The following TRHDE variants were observed in gnomAD, a reference collection of about 807,000 sequenced individuals.
TRHDE encodes the protein thyrotropin releasing hormone degrading enzyme.
TRHDE carries 72 observed loss-of-function variants against 125.7 expected under a neutral mutation model. The ratio of observed to expected loss-of-function variants is 0.57; its 90% CI spans 0.47 to 0.70. The LOEUF is 0.70. TRHDE is among the 30% of genes least tolerant of loss of function. The probability of loss-of-function intolerance (pLI) is 0.00; values close to 1 mark genes in which losing one functional copy is unlikely to be tolerated. For missense variants in TRHDE, 1,110 were observed against 1,327.1 expected, an observed-to-expected ratio of 0.84 and a Z score of 2.54; for synonymous variants, 509 against 509.1, an observed-to-expected ratio of 1.00 and a Z score of 0.00.
intron 2 of TRHDE, among the ~76,000 whole-genome samples, chr12:72,253,188 A>G (rs1417113274): frequency 6.6e-6 from 1 of 152,112 alleles, no homozygotes; most frequent in Non-Finnish European, 1.5e-5. Flanking sequence ...TAGAAATGAC[A>G]TTGGTTTTCA....
At chr12:72,215,821 G>C (rs903265643) in intron 2 of TRHDE, among the ~76,000 whole-genome samples, 7 of 152,156 alleles carry the variant, frequency 4.6e-5, no homozygotes, top group Non-Finnish European at 8.8e-5. Flanking sequence ...GAAATGGTTG[G>C]AGTCTGACAA....
At chr12:72,531,977 T>A (rs1437939533) in intron 6 of TRHDE, among the ~76,000 whole-genome samples, 1 of 152,136 alleles carries the variant, frequency 6.6e-6, no homozygotes, top group Admixed American at 6.6e-5. Context: ...ATCAAGACAA[T>A]TTCTGTGAAA....
At chr12:72,191,560 G>A (rs1592477138) in intron 2 of TRHDE, among the ~76,000 whole-genome samples, 1 of 152,054 alleles carries the variant, frequency 6.6e-6, no homozygotes, top group East Asian at 1.9e-4. Flanking sequence ...GTTTACATAC[G>A]AGTAAAGGTA....
chr12:72,203,987 C>G (rs1877615644), intron 2 of TRHDE, among the ~76,000 whole-genome samples: 1 of 152,190 alleles, frequency 6.6e-6, no homozygotes, highest in South Asian at 2.1e-4. Context: ...CATATTACTA[C>G]ATGGTAGTTT....
chr12:72,125,118 A>G (rs1020590851), intron 2 of TRHDE, among the ~76,000 whole-genome samples: 1 of 152,156 alleles, frequency 6.6e-6, no homozygotes, highest in South Asian at 2.1e-4. Flanking sequence ...AATAAAATTG[A>G]CTTGTAATTT....
rs576606525 is a variant in TRHDE, at chr12:72,629,260, C to T, written c.2675+7509C>T. Among the ~76,000 whole-genome samples the T allele has an allele frequency of 1.4e-3, 209 of 151,574 alleles. 1 individual carries two copies. The highest frequency in any genetic ancestry group is 4.6e-3 in the African/African-American group (191 of 41,326). Reference sequence around the variant, plus strand: ...TTTTTTAAAAAATTATATTACTAGCCATGCATAGAGGCACATAGTCAATAG... The same window carrying T: ...TTTTTTAAAAAATTATATTACTAGCTATGCATAGAGGCACATAGTCAATAG... On this transcript the variant is annotated intron_variant, in intron 15 of 18. Transcript: ENST00000261180.
At chr12:72,542,483 T>G (rs1869203727) in intron 7 of TRHDE, 127 bp downstream of exon 7, 1 of 625,294 alleles carries the variant, frequency 1.6e-6, no homozygotes. Context: ...TTAAGCAATG[T>G]CTTTCTATAT....
At chr12:72,533,057 A>T (rs1868642192) in intron 6 of TRHDE, among the ~76,000 whole-genome samples, 1 of 151,664 alleles carries the variant, frequency 6.6e-6, no homozygotes, top group Admixed American at 6.6e-5. Flanking sequence ...TTAAAAGTTT[A>T]TTTGCCTGTA....
rs769449087 is a variant in TRHDE at position 72,661,998 on chromosome 12, T to C, written c.3067-1054T>C. The stretch of plus-strand genomic sequence containing the variant: ...TATCATGTAATCAAAGTAACACTTA[T>C]AAATAAACTAAGCTATCCATGAACT... On this transcript the variant is annotated intron_variant, in intron 18 of 18. Coordinates refer to ENST00000261180, the MANE Select transcript of TRHDE (RefSeq NM_013381.3). 4.5e-4 allele frequency among the ~76,000 whole-genome samples: 68 copies of C among 152,174 alleles called. 1 individual carries two copies. The highest frequency in any genetic ancestry group is 8.8e-5 in the Non-Finnish European group (6 of 68,030).
intron 3 of TRHDE, among the ~76,000 whole-genome samples, chr12:72,464,911 GTAT>G (rs1866011920): frequency 6.6e-6 from 1 of 152,058 alleles, no homozygotes; most frequent in African/African-American, 2.4e-5. Flanking sequence ...ACATTCACTA[GTAT>G]TATATGAATT....
At chr12:72,566,130 T>C (rs1870431356) in intron 9 of TRHDE, among the ~76,000 whole-genome samples, 1 of 152,024 alleles carries the variant, frequency 6.6e-6, no homozygotes, top group East Asian at 1.9e-4. Flanking sequence ...AGTCCACATA[T>C]ATGATATTTT....
At chr12:72,454,908 A>G (rs545161048) in intron 3 of TRHDE, among the ~76,000 whole-genome samples, 4 of 152,318 alleles carry the variant, frequency 2.6e-5, no homozygotes, top group Admixed American at 2.6e-4. Context: ...GTAAAAACCC[A>G]TAAAGCTATA....
At chr12:72,536,252 G>C (rs1267990808) in intron 6 of TRHDE, among the ~76,000 whole-genome samples, 1 of 152,104 alleles carries the variant, frequency 6.6e-6, no homozygotes, top group Non-Finnish European at 1.5e-5. Context: ...ATTTACACTT[G>C]TGTGGACTTC....
chr12:72,546,013 G>T lies in TRHDE; in HGVS notation c.1788+3657G>T, dbSNP rs141389057. Among the ~76,000 whole-genome samples the T allele has an allele frequency of 2.3e-3, 352 of 151,684 alleles. 3 individuals carry two copies. The highest frequency in any genetic ancestry group is 0.016 in the Admixed American group (237 of 15,170). The stretch of plus-strand genomic sequence containing the variant: ...ATCCTCCTTGATGAGTGACGTTACA[G>T]GGAACTCAAACAAGGGGAATTTACT... On this transcript the variant is annotated intron_variant, in intron 7 of 18. Coordinates refer to ENST00000261180, the MANE Select transcript of TRHDE (RefSeq NM_013381.3).
intron 12 of TRHDE, among the ~76,000 whole-genome samples, chr12:72,603,605 G>A (rs1209467239): frequency 1.3e-5 from 2 of 151,970 alleles, no homozygotes; most frequent in Non-Finnish European, 2.9e-5. Flanking sequence ...GGCGCCTGTA[G>A]TCCCAGCTAC....
chr12:72,442,000 C>G (rs1178901245), intron 3 of TRHDE, among the ~76,000 whole-genome samples: 1 of 151,854 alleles, frequency 6.6e-6, no homozygotes, highest in African/African-American at 2.4e-5. Context: ...TTAACTGAAG[C>G]TACAAGTCTC....
At chr12:72,569,109 G>T (rs1370518722) in intron 10 of TRHDE, among the ~76,000 whole-genome samples, 6 of 152,128 alleles carry the variant, frequency 3.9e-5, no homozygotes, top group Non-Finnish European at 7.4e-5. Flanking sequence ...GGGCCAGAAG[G>T]TGGGGGGCTT....
intron 2 of TRHDE, among the ~76,000 whole-genome samples, chr12:72,159,702 A>G (rs1255959749): frequency 6.6e-6 from 1 of 152,140 alleles, no homozygotes; most frequent in Non-Finnish European, 1.5e-5. Context: ...CTTCATATCC[A>G]TCTTTTTCAA....
chr12:72,509,914 A>G (rs912005399), intron 6 of TRHDE, among the ~76,000 whole-genome samples: 2 of 152,348 alleles, frequency 1.3e-5, no homozygotes, highest in South Asian at 2.1e-4. Context: ...GTTTATAGGA[A>G]TTAGGAAAAA....
Sources: gnomAD v4.1 joint callset for allele counts (sites outside exome capture counted in the v4.1 genomes callset) on GRCh38, gnomAD v4.1.1 for gene constraint, MANE v1.5 for transcripts, NCBI Gene and HGNC (gene_info 2026-07-23, HGNC 2026-07-21) for gene names.